The following JMJD7 variants were observed in gnomAD, a reference collection of about 807,000 sequenced individuals.
JMJD7 encodes the protein bifunctional peptidase and (3S)-lysyl hydroxylase JMJD7.
Under a neutral mutation model 41.1 loss-of-function variants are expected in JMJD7, and 41 were observed. The observed-to-expected ratio is 1.00, with a 90% CI of 0.78 to 1.30. The LOEUF is 1.30. Among genes scored for constraint, JMJD7 ranks in the 50% most tolerant of loss-of-function variants. JMJD7 has a pLI of 0.00. For synonymous variants in JMJD7, 202 were observed against 177.2 expected, an observed-to-expected ratio of 1.14 and a Z score of -1.11; for missense variants, 480 against 420.7, an observed-to-expected ratio of 1.14 and a Z score of -1.23.
At chr15:41,833,414 A>ATATATATATTTTTTTTTT (rs1239528383) in intron 1 of JMJD7, among the ~76,000 whole-genome samples, 2 of 32,014 alleles carry the variant, frequency 6.2e-5, no homozygotes, top group Non-Finnish European at 1.2e-4. Context: ...ATATATATAT[A>ATATATATATTTTTTTTTT]TTTTTTTTTT....
Position 41,829,530 on chromosome 15 carries a change from C to T in JMJD7, c.64+1342C>T, listed in dbSNP as rs576972567. Reference sequence around the variant, plus strand: ...GCTGGTCTCAGATTCCTCAAACAATCCTTCCACCTCAGCATTCCAAAGTTT... The same window carrying T: ...GCTGGTCTCAGATTCCTCAAACAATTCTTCCACCTCAGCATTCCAAAGTTT... On this transcript the variant is annotated intron_variant, in intron 1 of 7. Transcript: ENST00000397299. 2.0e-5 allele frequency among the ~76,000 whole-genome samples: 3 copies of T among 152,322 alleles called. No individual in the cohort carries two copies. The South Asian group carries it at 6.2e-4, about 32-fold the overall frequency.
Position 41,837,140 on chromosome 15 carries a change from C to T in JMJD7, c.935C>T (p.Ala312Val). 1 of 1,611,914 alleles carries T rather than the reference C, an allele frequency of 6.2e-7. No individual in the cohort carries two copies. Among genetic ancestry groups the T allele is most frequent in the Non-Finnish European group, 8.5e-7 (1 of 1,178,704 alleles). The change falls in exon 8 of 8, where the codon GCT becomes GTT. Residue 312 changes from alanine to valine, a missense_variant. Ala to Val is a moderately conservative substitution (Grantham distance 64). Coordinates refer to ENST00000397299, the MANE Select transcript of JMJD7 (RefSeq NM_001114632.2). ...YFQLLDSLTK[A>V]SGLD is the part of the protein sequence containing the mutation. ...CAGCTGCTCGACTCCCTCACCAAGG[C>T]TTCAGGCCTTGACTGATGGAGCACT...
In JMJD7 at chr15:41,835,152, A is replaced by T. The variant is rs763236711; in HGVS notation, c.401A>T (p.Asn134Ile). 6.2e-7 allele frequency: 1 copy of T among 1,606,904 alleles called. No homozygotes were observed. ...CTCTATGTGCAGAAGCAGTGCTCCAACCTGCCCAGCGAGCTGCCCCAGCTG... is the reference window on the plus strand; with the variant it reads ...CTCTATGTGCAGAAGCAGTGCTCCATCCTGCCCAGCGAGCTGCCCCAGCTG... Reference protein sequence around the residue: ...GVLYVQKQCSNLPSELPQLLP... With the variant: ...GVLYVQKQCSILPSELPQLLP... The change falls in exon 3 of 8, where the codon AAC (asparagine) becomes ATC (isoleucine). Residue 134 changes from asparagine to isoleucine, a missense_variant. Coordinates refer to ENST00000397299, the MANE Select transcript of JMJD7 (RefSeq NM_001114632.2).
intron 1 of JMJD7, among the ~76,000 whole-genome samples, 192 bp from the exon 2 acceptor site, chr15:41,834,548 T>G (rs1176062196): frequency 6.6e-6 from 1 of 152,228 alleles, no homozygotes; most frequent in East Asian, 1.9e-4. Flanking sequence ...CATGCTGGTG[T>G]GTGTGCGTGA....
chr15:41,836,937 G>T lies in JMJD7; in HGVS notation c.859G>T (p.Ala287Ser). The change falls in exon 7 of 8, where the codon GCA becomes TCA. Residue 287 changes from alanine (A) to serine (S), a missense_variant. Transcript: ENST00000397299. ...CGTCCAGCAGTCCCAGGGCTGCATC[G>T]CAGGTGAAGAGTTGCCCAGGCCGCC... The part of the protein sequence containing the change: ...HHVQQSQGCI[A>S]VNFWYDMEYD... The T allele has an allele frequency of 6.2e-7, 1 of 1,612,716 alleles. No homozygotes were observed. Among genetic ancestry groups the T allele is most frequent in the East Asian group, 2.2e-5 (1 of 44,826 alleles).
At chr15:41,828,479 T>G (rs911009401) in intron 1 of JMJD7, 1 of 327,738 alleles carries the variant, frequency 3.1e-6, no homozygotes, top group Non-Finnish European at 5.5e-6. Flanking sequence ...TGTTGAAAGC[T>G]CATCGAAGGC....
chr15:41,831,565 A>G (rs1436430242), intron 1 of JMJD7, among the ~76,000 whole-genome samples: 1 of 152,208 alleles, frequency 6.6e-6, no homozygotes, highest in East Asian at 1.9e-4. Context: ...TACACTTTAT[A>G]AAAACCAGCA....
At position 41,828,093 on chromosome 15, in the gene JMJD7, A is replaced by G. The variant is rs1415089299; in HGVS notation, c.-32A>G. On this transcript the variant is annotated 5_prime_UTR_variant, in exon 1 of 8. Transcript: ENST00000397299. Reference sequence around the variant, plus strand: ...GTGGCCTGCGGCGGGGCGTCGGGGAAAGGCGGGGTCTCGGCCGGCGCTGAC... The same window carrying G: ...GTGGCCTGCGGCGGGGCGTCGGGGAGAGGCGGGGTCTCGGCCGGCGCTGAC... 1 of 1,412,190 alleles carries G rather than the reference A, an allele frequency of 7.1e-7. No individual in the cohort carries two copies. The highest frequency in any genetic ancestry group is 9.2e-7 in the Non-Finnish European group (1 of 1,086,200). 87.5% of individuals were successfully genotyped at this position (1,412,190 alleles called of 1,614,324 possible).
At chr15:41,829,393 C>G (rs1391517061) in intron 1 of JMJD7, 1 of 152,276 alleles carries the variant, frequency 6.6e-6, no homozygotes, top group African/African-American at 2.4e-5. Flanking sequence ...CTCGCTGCAC[C>G]TCGACCTCCC....
chr15:41,837,327 A>G lies in JMJD7; in HGVS notation c.*171A>G. The G allele has an allele frequency of 1.7e-6, 1 of 601,240 alleles. No individual in the cohort carries two copies. Among genetic ancestry groups the G allele is most frequent in the Non-Finnish European group, 3.0e-6 (1 of 338,796 alleles). 37.2% of individuals were successfully genotyped at this position (601,240 alleles called of 1,614,324 possible). A position where few individuals can be genotyped will look rare whatever the true frequency, so the allele number is the denominator to read the frequency against. The stretch of plus-strand genomic sequence containing the variant: ...CTTGGAATGTGGTCATAAGGACTCA[A>G]GGTGCCAGGCAGGTCTGGGTGAGGG... On this transcript the variant is annotated 3_prime_UTR_variant, in exon 8 of 8. Transcript: ENST00000397299.
intron 3 of JMJD7, 136 bp from the exon 4 acceptor site, chr15:41,835,452 C>A: frequency 7.2e-7 from 1 of 1,393,158 alleles, no homozygotes; most frequent in South Asian, 1.4e-5. Context: ...CCAAGATTTC[C>A]CAACCTCTGC....
chr15:41,836,095 T>C, intron 4 of JMJD7, 53 bp from the exon 5 acceptor site: 2 of 1,523,006 alleles, frequency 1.3e-6, no homozygotes, highest in South Asian at 2.5e-5. Context: ...GTTTGCCTCC[T>C]CCCGTGCCCC....
At chr15:41,832,030 C>G (rs751450352) in intron 1 of JMJD7, among the ~76,000 whole-genome samples, 4 of 152,214 alleles carry the variant, frequency 2.6e-5, no homozygotes, top group African/African-American at 9.6e-5. Flanking sequence ...TATCTGCAAG[C>G]TTCCAGGCAC....
intron 5 of JMJD7, 88 bp from the exon 6 acceptor site, chr15:41,836,387 C>G (rs538808380): frequency 6.4e-7 from 1 of 1,557,394 alleles, no homozygotes; most frequent in South Asian, 1.2e-5. Context: ...TCCCCTTGCC[C>G]CTGCCCAGGG....
intron 1 of JMJD7, among the ~76,000 whole-genome samples, chr15:41,833,414 A>ATATTTTTTTTTTTTTT (rs1239528383): frequency 3.1e-5 from 1 of 32,012 alleles, no homozygotes; most frequent in Non-Finnish European, 6.1e-5. Context: ...ATATATATAT[A>ATATTTTTTTTTTTTTT]TTTTTTTTTT....
rs927860349 is a variant in JMJD7, at chr15:41,837,266, C to T, written c.*110C>T. 75 of 718,196 alleles carry T rather than the reference C, an allele frequency of 1.0e-4. No homozygotes were observed. Among genetic ancestry groups the T allele is most frequent in the Non-Finnish European group, 1.5e-4 (62 of 422,872 alleles). 44.5% of individuals were successfully genotyped at this position (718,196 alleles called of 1,614,324 possible). On this transcript the variant is annotated 3_prime_UTR_variant, in exon 8 of 8. Coordinates refer to ENST00000397299, the MANE Select transcript of JMJD7 (RefSeq NM_001114632.2). ...GAGTGTGCATGCTGGCTGCTGGCCCCGGGTCCAGCATGGCTTGAGATCAGC... is the reference window on the plus strand; with the variant it reads ...GAGTGTGCATGCTGGCTGCTGGCCCTGGGTCCAGCATGGCTTGAGATCAGC...
chr15:41,836,292 G>T, intron 5 of JMJD7, 49 bp downstream of exon 5: 1 of 1,608,638 alleles, frequency 6.2e-7, no homozygotes. Context: ...CTGGCCCAAG[G>T]GGGAGGGAGG....
At position 41,834,785 on chromosome 15, in the gene JMJD7, C is replaced by G. The variant is rs200665426; in HGVS notation, c.110C>G (p.Thr37Ser). 13 of 1,614,106 alleles carry G rather than the reference C, an allele frequency of 8.1e-6. No homozygotes were observed. Among genetic ancestry groups the G allele is most frequent in the East Asian group, 2.2e-5 (1 of 44,898 alleles). Residue 37 changes from threonine to serine, a missense_variant, in exon 2 of 8, where the codon ACT becomes AGT. Transcript: ENST00000397299. ...LAVPYLDKPP[T>S]PLHFYRDWVC... Reference sequence around the variant, plus strand: ...GTGCCCTACCTGGACAAACCCCCAACTCCGCTCCACTTCTACCGGGACTGG... The same window carrying G: ...GTGCCCTACCTGGACAAACCCCCAAGTCCGCTCCACTTCTACCGGGACTGG...
At chr15:41,832,946 A>G (rs1244915500) in intron 1 of JMJD7, among the ~76,000 whole-genome samples, 1 of 152,196 alleles carries the variant, frequency 6.6e-6, no homozygotes, top group Non-Finnish European at 1.5e-5. Context: ...AGCTGGAACA[A>G]AGGTACCACC....
Sources: allele counts gnomAD v4.1 joint callset (sites outside exome capture counted in the v4.1 genomes callset), GRCh38; gene constraint gnomAD v4.1.1; transcripts MANE v1.5; gene names NCBI Gene and HGNC (gene_info 2026-07-23, HGNC 2026-07-21).